LZTS1: variants seen among roughly 807,000 people sequenced by gnomAD.
LZTS1 encodes the protein leucine zipper tumor suppressor 1.
Under a neutral mutation model 45.8 loss-of-function variants are expected in LZTS1, and 31 were observed. That is an observed-to-expected ratio of 0.68 (90% CI 0.51 to 0.91). The LOEUF is 0.91. Among genes scored for constraint, LZTS1 ranks in the 40% least tolerant of loss-of-function variants. The pLI, the probability that LZTS1 is intolerant of heterozygous loss-of-function variation, is 0.00. For missense variants in LZTS1, 821 were observed against 788.9 expected, an observed-to-expected ratio of 1.04 and a Z score of -0.49; for synonymous variants, 359 against 357.3, an observed-to-expected ratio of 1.00 and a Z score of -0.05.
chr8:20,297,964 A>C (rs1278412300), intron 1 of LZTS1, among the ~76,000 whole-genome samples: 2 of 152,212 alleles, frequency 1.3e-5, no homozygotes, highest in Non-Finnish European at 2.9e-5. Flanking sequence ...ATGACTTGGT[A>C]GTTACAGCCC....
At chr8:20,297,726 G>A (rs79573082) in intron 1 of LZTS1, among the ~76,000 whole-genome samples, 9,203 of 152,166 alleles carry the variant, frequency 0.06, 362 homozygotes, top group Non-Finnish European at 0.094. Context: ...CTAGTTTATT[G>A]TTTATTGAGC....
intron 1 of LZTS1, among the ~76,000 whole-genome samples, chr8:20,289,566 G>A (rs1028433544): frequency 6.6e-6 from 1 of 152,194 alleles, no homozygotes; most frequent in Admixed American, 6.5e-5. Flanking sequence ...AGGCAATGGA[G>A]CACAGTTCTC....
At chr8:20,283,370 G>C (rs866108845) in intron 1 of LZTS1, among the ~76,000 whole-genome samples, 1 of 152,142 alleles carries the variant, frequency 6.6e-6, no homozygotes, top group Non-Finnish European at 1.5e-5. Context: ...GACATAGCAA[G>C]AAGGCACCTG....
At chr8:20,301,882 C>T (rs568196888) in intron 1 of LZTS1, among the ~76,000 whole-genome samples, 18 of 152,324 alleles carry the variant, frequency 1.2e-4, no homozygotes, top group African/African-American at 4.3e-4. Context: ...GTGAAGCACA[C>T]AGCCGCTGCT....
At chr8:20,256,349 C>T (rs1800100001) in intron 1 of LZTS1, among the ~76,000 whole-genome samples, 1 of 152,094 alleles carries the variant, frequency 6.6e-6, no homozygotes, top group East Asian at 1.9e-4. Context: ...AGACAAGGAG[C>T]CCCTGGATGG....
chr8:20,295,653 A>C (rs1229277808), intron 1 of LZTS1, among the ~76,000 whole-genome samples: 2 of 152,210 alleles, frequency 1.3e-5, no homozygotes, highest in East Asian at 3.9e-4. Flanking sequence ...ATATGAATAC[A>C]TGGGAACAAG....
chr8:20,293,698 T>C (rs539948646), intron 1 of LZTS1, among the ~76,000 whole-genome samples: 3 of 152,252 alleles, frequency 2.0e-5, no homozygotes, highest in Non-Finnish European at 4.4e-5. Flanking sequence ...TTTGGGAGGT[T>C]GGACTGGGGA....
intron 1 of LZTS1, among the ~76,000 whole-genome samples, chr8:20,262,103 TC>T (rs1158151502): frequency 1.3e-5 from 2 of 151,090 alleles, no homozygotes; most frequent in Admixed American, 6.6e-5. Context: ...CCCCATCCAT[TC>T]CCCCCCAGAA....
At position 20,295,687 on chromosome 8, in the gene LZTS1, C is replaced by T. The variant is rs984998615; in HGVS notation, c.-135+8053G>A. Among the ~76,000 whole-genome samples the T allele has an allele frequency of 3.3e-5, 5 of 152,148 alleles. No homozygotes were observed. The South Asian group carries it at 6.2e-4, about 19-fold the overall frequency. On this transcript the variant is annotated intron_variant, in intron 1 of 3. Coordinates refer to ENST00000381569, the MANE Select transcript of LZTS1 (RefSeq NM_021020.5). ...AGTGCTCAAATGGGAGTGACAAGTA[C>T]GTTATACACTGTAGAATTCAAGGAA...
intron 3 of LZTS1, among the ~76,000 whole-genome samples, chr8:20,250,982 T>C (rs2128891348): frequency 6.6e-6 from 1 of 151,306 alleles, no homozygotes; most frequent in Middle Eastern, 3.4e-3. Context: ...TGCTCATCTA[T>C]TCCTTACAAC....
intron 1 of LZTS1, among the ~76,000 whole-genome samples, chr8:20,271,406 G>A (rs1366070498): frequency 1.3e-5 from 2 of 152,142 alleles, no homozygotes; most frequent in Non-Finnish European, 2.9e-5. Flanking sequence ...CTCCTGCAGT[G>A]TTGACCCCCA....
At chr8:20,278,460 C>G (rs963879863) in intron 1 of LZTS1, among the ~76,000 whole-genome samples, 7 of 152,224 alleles carry the variant, frequency 4.6e-5, no homozygotes, top group African/African-American at 1.7e-4. Context: ...AACATAAGAC[C>G]CCAGGTCAAA....
intron 1 of LZTS1, among the ~76,000 whole-genome samples, chr8:20,263,042 T>C (rs1486352097): frequency 6.6e-6 from 1 of 152,216 alleles, no homozygotes; most frequent in Non-Finnish European, 1.5e-5. Context: ...GAAACTATTT[T>C]GAAAAGTCCC....
intron 2 of LZTS1, 88 bp from the exon 3 acceptor site, chr8:20,253,673 C>G: frequency 1.9e-6 from 2 of 1,054,432 alleles, no homozygotes; most frequent in African/African-American, 1.6e-5. Context: ...CGACCTTGAG[C>G]CAGTCTGGGC....
intron 1 of LZTS1, among the ~76,000 whole-genome samples, chr8:20,300,087 G>A (rs1563905154): frequency 6.6e-6 from 1 of 152,058 alleles, no homozygotes; most frequent in Non-Finnish European, 1.5e-5. Context: ...GTGTTCCCTC[G>A]GACTCCCGAA....
At chr8:20,263,770 G>A (rs1422762344) in intron 1 of LZTS1, among the ~76,000 whole-genome samples, 2 of 152,120 alleles carry the variant, frequency 1.3e-5, no homozygotes, top group Non-Finnish European at 2.9e-5. Context: ...AGAGGGGCAG[G>A]CCCTCTGGAC....
At chr8:20,266,709 C>A (rs1800364846) in intron 1 of LZTS1, among the ~76,000 whole-genome samples, 3 of 152,156 alleles carry the variant, frequency 2.0e-5, no homozygotes, top group South Asian at 4.1e-4. Flanking sequence ...TGAATTTAAC[C>A]AAAAATGCAG....
chr8:20,275,404 C>CAAA (rs55847914), intron 1 of LZTS1, among the ~76,000 whole-genome samples: 8 of 113,602 alleles, frequency 7.0e-5, no homozygotes, highest in African/African-American at 2.8e-4. Context: ...GACTTCATCT[C>CAAA]AAAAAAAAAA....
At chr8:20,296,169 A>C (rs1044749448) in intron 1 of LZTS1, among the ~76,000 whole-genome samples, 1 of 152,198 alleles carries the variant, frequency 6.6e-6, no homozygotes, top group Admixed American at 6.5e-5. Flanking sequence ...AAGAAGAGTG[A>C]AAATGTCCCC....
Sources: allele counts gnomAD v4.1 joint callset (sites outside exome capture counted in the v4.1 genomes callset), GRCh38; gene constraint gnomAD v4.1.1; transcripts MANE v1.5; gene names NCBI Gene and HGNC (gene_info 2026-07-23, HGNC 2026-07-21).